Variants in LPP observed in about 807,000 individuals in gnomAD.
The protein encoded by LPP is LIM domain containing preferred translocation partner in lipoma.
A neutral mutation model predicts 60.4 loss-of-function variants in LPP; 38 were observed. The ratio of observed to expected loss-of-function variants is 0.63; its 90% CI spans 0.49 to 0.83. LPP has a LOEUF of 0.83. LPP is among the 40% of genes least tolerant of loss of function. The pLI, the probability that LPP is intolerant of heterozygous loss-of-function variation, is 0.00. For missense variants in LPP, 902 were observed against 783.6 expected (o/e 1.15, Z -1.80); for synonymous variants, 328 against 290.8 (o/e 1.13, Z -1.30).
intron 1 of LPP, among the ~76,000 whole-genome samples, chr3:188,175,772 T>A (rs1722876975): frequency 6.6e-6 from 1 of 152,194 alleles, no homozygotes; most frequent in Admixed American, 6.5e-5. Context: ...AGTAAACTCC[T>A]TTTCCAATTT....
At chr3:188,607,387 A>G (rs991319386) in intron 6 of LPP, among the ~76,000 whole-genome samples, 8 of 21,696 alleles carry the variant, frequency 3.7e-4, no homozygotes, top group Non-Finnish European at 6.4e-4. Context: ...ATATATATAT[A>G]TATATATATA....
intron 1 of LPP, among the ~76,000 whole-genome samples, chr3:188,174,041 T>C (rs1350253004): frequency 6.6e-6 from 1 of 152,204 alleles, no homozygotes; most frequent in East Asian, 1.9e-4. Context: ...CAAACCGTTG[T>C]GCCCACTTTT....
At chr3:188,272,552 G>T (rs1288710375) in intron 2 of LPP, among the ~76,000 whole-genome samples, 3 of 152,122 alleles carry the variant, frequency 2.0e-5, no homozygotes, top group African/African-American at 7.2e-5. Flanking sequence ...TGAGCCTTTT[G>T]CTACTGCAGA....
At chr3:188,434,222 T>C (rs112681970) in intron 4 of LPP, among the ~76,000 whole-genome samples, 2,328 of 152,302 alleles carry the variant, frequency 0.015, 48 homozygotes, top group African/African-American at 0.053. Context: ...AAACACATAG[T>C]ACATTGACAA....
rs1479074779 is a variant in LPP at position 188,886,561 on chromosome 3, AAGC to A, written c.*12086_*12088del. On this transcript the variant is annotated 3_prime_UTR_variant, in exon 12 of 12. Coordinates refer to ENST00000617246, the MANE Select transcript of LPP (RefSeq NM_001375462.1). ...GACAATGAGGTGGTAAATGTGAAAA[AAGC>A]AGCCTTTTAGAAAAACATTATTTTC... is the stretch of plus-strand genomic sequence containing the variant. 4.9e-6 allele frequency: 1 copy of A among 202,252 alleles called. No individual in the cohort carries two copies. Among genetic ancestry groups the A allele is most frequent in the Non-Finnish European group, 1.0e-5 (1 of 99,910 alleles). 12.5% of individuals were successfully genotyped at this position (202,252 alleles called of 1,614,324 possible).
chr3:188,317,770 G>A (rs919758454), intron 2 of LPP, among the ~76,000 whole-genome samples: 4 of 122,044 alleles, frequency 3.3e-5, no homozygotes, highest in Non-Finnish European at 6.5e-5. Flanking sequence ...GCTCTACCTT[G>A]AACTGCTGTC....
chr3:188,456,480 A>G (rs1351618738), intron 4 of LPP, among the ~76,000 whole-genome samples: 4 of 152,264 alleles, frequency 2.6e-5, no homozygotes, highest in Non-Finnish European at 4.4e-5. Context: ...AAATCATTTG[A>G]TAAAGATATC....
At chr3:188,722,749 C>T (rs373567311) in intron 8 of LPP, among the ~76,000 whole-genome samples, 85 of 152,306 alleles carry the variant, frequency 5.6e-4, no homozygotes, top group East Asian at 2.9e-3. Flanking sequence ...TTATCCCTAT[C>T]TATTTTATGT....
chr3:188,283,268 T>C (rs1742734128), intron 2 of LPP, among the ~76,000 whole-genome samples: 1 of 152,226 alleles, frequency 6.6e-6, no homozygotes, highest in African/African-American at 2.4e-5. Context: ...AAGGAGAAAG[T>C]GGTTTACATG....
intron 7 of LPP, among the ~76,000 whole-genome samples, chr3:188,635,345 A>G (rs574132618): frequency 5.1e-4 from 77 of 152,244 alleles, no homozygotes; most frequent in African/African-American, 1.8e-3. Flanking sequence ...GAGTTTGGAT[A>G]TGTTTCTAAG....
chr3:188,432,609 T>C (rs1791200625), intron 4 of LPP, among the ~76,000 whole-genome samples: 1 of 151,844 alleles, frequency 6.6e-6, no homozygotes, highest in African/African-American at 2.4e-5. Context: ...TATCCTTGTG[T>C]TGGGGAGGAG....
chr3:188,702,741 CT>C (rs1864731919), intron 7 of LPP, among the ~76,000 whole-genome samples: 2 of 152,090 alleles, frequency 1.3e-5, no homozygotes, highest in African/African-American at 2.4e-5. Context: ...ACAAGAATGT[CT>C]TTTTTTAAGA....
chr3:188,434,424 G>A (rs955004161), intron 4 of LPP, among the ~76,000 whole-genome samples: 1 of 151,920 alleles, frequency 6.6e-6, no homozygotes, highest in Non-Finnish European at 1.5e-5. Context: ...TGACCCTAAT[G>A]AGTTACATTC....
chr3:188,722,862 A>C (rs1315878834), intron 8 of LPP, among the ~76,000 whole-genome samples: 1 of 152,220 alleles, frequency 6.6e-6, no homozygotes, highest in African/African-American at 2.4e-5. Context: ...CACCTAGTGC[A>C]GCATCTGGTT....
At chr3:188,317,232 A>T (rs1390683082) in intron 2 of LPP, among the ~76,000 whole-genome samples, 1 of 149,954 alleles carries the variant, frequency 6.7e-6, no homozygotes, top group African/African-American at 2.4e-5. Context: ...TTTTTTTTTT[A>T]AGTTTTTTTT....
At chr3:188,156,853 C>A in intron 1 of LPP, among the ~76,000 whole-genome samples, 1 of 151,094 alleles carries the variant, frequency 6.6e-6, no homozygotes, top group South Asian at 2.1e-4. Context: ...TGCGCCCCAC[C>A]CCCCCAAGAA....
At chr3:188,730,019 C>T (rs1560124860) in intron 8 of LPP, among the ~76,000 whole-genome samples, 1 of 152,054 alleles carries the variant, frequency 6.6e-6, no homozygotes, top group Non-Finnish European at 1.5e-5. Flanking sequence ...TGTGAATAAT[C>T]CACCAGATTC....
At chr3:188,417,090 T>C (rs1469462711) in intron 4 of LPP, among the ~76,000 whole-genome samples, 1 of 152,022 alleles carries the variant, frequency 6.6e-6, no homozygotes, top group Non-Finnish European at 1.5e-5. Context: ...GGACAGCACC[T>C]GGGGCAGAGG....
At chr3:188,498,602 A>G (rs768423877) in intron 5 of LPP, among the ~76,000 whole-genome samples, 6 of 152,196 alleles carry the variant, frequency 3.9e-5, no homozygotes, top group Non-Finnish European at 8.8e-5. Flanking sequence ...TACTGTGGGA[A>G]TAATGCTGCT....
Sources: gnomAD v4.1 joint callset for allele counts (sites outside exome capture counted in the v4.1 genomes callset) on GRCh38, gnomAD v4.1.1 for gene constraint, MANE v1.5 for transcripts, NCBI Gene and HGNC (gene_info 2026-07-23, HGNC 2026-07-21) for gene names.